The following SLC25A46 variants were observed in gnomAD, a reference collection of about 807,000 sequenced individuals.
The protein encoded by SLC25A46 is solute carrier family 25 member 46.
A neutral mutation model predicts 44.6 loss-of-function variants in SLC25A46; 39 were observed. The ratio of observed to expected loss-of-function variants is 0.87; its 90% confidence interval spans 0.68 to 1.14. The LOEUF is 1.14. Ranked by LOEUF, SLC25A46 falls within the 50% of genes most tolerant of loss-of-function variation. The probability of loss-of-function intolerance (pLI) is 0.00; values close to 1 mark genes in which losing one functional copy is unlikely to be tolerated. For missense variants in SLC25A46, 547 were observed against 522.7 expected, an observed-to-expected ratio of 1.05 and a Z score of -0.45; for synonymous variants, 202 against 185.8, an observed-to-expected ratio of 1.09 and a Z score of -0.71.
At chr5:110,744,058 C>T (rs1207129875) in intron 3 of SLC25A46, among the ~76,000 whole-genome samples, 3 of 152,140 alleles carry the variant, frequency 2.0e-5, no homozygotes, top group Non-Finnish European at 4.4e-5. Flanking sequence ...AAAATAATAA[C>T]ACCTGTTAGT....
chr5:110,738,904 C>G, upstream of SLC25A46: 2 of 1,296,258 alleles, frequency 1.5e-6, no homozygotes, highest in Non-Finnish European at 1.0e-6. Flanking sequence ...GTCCAGGTTA[C>G]CGCCGCGTCT....
At chr5:110,744,539 C>CA (rs1454068106) in intron 3 of SLC25A46, among the ~76,000 whole-genome samples, 1 of 152,008 alleles carries the variant, frequency 6.6e-6, no homozygotes, top group African/African-American at 2.4e-5. Flanking sequence ...TATAAAATAT[C>CA]AAAAAATCAT....
chr5:110,748,106 C>T, intron 4 of SLC25A46, 57 bp from the exon 5 acceptor site: 2 of 1,205,418 alleles, frequency 1.7e-6, no homozygotes, highest in Non-Finnish European at 2.4e-6. Flanking sequence ...TTATTAAGAT[C>T]TTTTGTGTTT....
chr5:110,752,933 A>G (rs937689799), intron 5 of SLC25A46, among the ~76,000 whole-genome samples: 5 of 152,196 alleles, frequency 3.3e-5, no homozygotes, highest in African/African-American at 1.2e-4. Context: ...AACTCCAACC[A>G]AGGGGTGGCT....
chr5:110,743,825 C>T (rs200252329), intron 3 of SLC25A46, 38 bp downstream of exon 3: 135 of 1,514,350 alleles, frequency 8.9e-5, no homozygotes, highest in Non-Finnish European at 1.1e-5. Flanking sequence ...AGCAATACTT[C>T]TGACCCTAAT....
intron 1 of SLC25A46, among the ~76,000 whole-genome samples, chr5:110,740,188 T>C (rs1212530946): frequency 6.6e-6 from 1 of 152,222 alleles, no homozygotes; most frequent in Non-Finnish European, 1.5e-5. Context: ...CATCCTTTTT[T>C]ATTCATAAAA....
At position 110,754,476 on chromosome 5, in the gene SLC25A46, C is replaced by T. The variant is rs1276299266; in HGVS notation, c.564-989C>T. ...GATAGAACTTACTCCCTTTTTTCAC[C>T]TTTGGTTCTATTTCATTTCAGCTTG... On this transcript the variant is annotated intron_variant, in intron 5 of 7. Coordinates refer to ENST00000355943, the MANE Select transcript of SLC25A46 (RefSeq NM_138773.4). 2.7e-5 allele frequency: 4 copies of T among 148,178 alleles called. No individual in the cohort carries two copies. The East Asian group carries it at 7.9e-4, about 29-fold the overall frequency. The allele number at this position is 148,178 out of a possible 1,614,324, so 9.2% of individuals were successfully genotyped here. A position where few individuals can be genotyped will look rare whatever the true frequency, so the allele number is the denominator to read the frequency against.
At position 110,739,090 on chromosome 5, in the gene SLC25A46, G is replaced by C; in HGVS notation, c.-30G>C. ...TGGCCCCGGTGGTGGTGGGCTCCGG[G>C]CGGGCTCGCGTCATCCTGCCCCCGC... On this transcript the variant is annotated 5_prime_UTR_variant, in exon 1 of 8. Transcript: ENST00000355943. 2.6e-6 allele frequency: 4 copies of C among 1,539,720 alleles called. No homozygotes were observed. In the South Asian group the frequency reaches 4.8e-5, roughly 18 times the overall value.
chr5:110,744,354 G>A (rs1264060806), intron 3 of SLC25A46, among the ~76,000 whole-genome samples: 1 of 152,156 alleles, frequency 6.6e-6, no homozygotes, highest in Non-Finnish European at 1.5e-5. Flanking sequence ...TGTGAAATCA[G>A]AAATCATTTT....
At chr5:110,746,117 C>T in intron 3 of SLC25A46, 152 bp from the exon 4 acceptor site, 1 of 615,068 alleles carries the variant, frequency 1.6e-6, no homozygotes, top group Non-Finnish European at 2.8e-6. Context: ...TTATTTAAAG[C>T]ACTTTTAAGA....
intron 1 of SLC25A46, among the ~76,000 whole-genome samples, chr5:110,740,770 T>G (rs1030135553): frequency 2.0e-5 from 3 of 152,006 alleles, no homozygotes; most frequent in African/African-American, 7.3e-5. Context: ...GCTAACACGA[T>G]GAAACCCCGT....
In SLC25A46 at chr5:110,762,353, T is replaced by C. The variant is rs901099177; in HGVS notation, c.*571T>C. The C allele has an allele frequency of 6.6e-5, 10 of 152,164 alleles. No individual in the cohort carries two copies. The highest frequency in any genetic ancestry group is 2.4e-4 in the African/African-American group (10 of 41,408). The allele number at this position is 152,164 out of a possible 1,614,324, so 9.4% of individuals were successfully genotyped here. On this transcript the variant is annotated 3_prime_UTR_variant, in exon 8 of 8. Transcript: ENST00000355943. ...CTATGTAACTATCTTAATGGCTATA[T>C]ATATGTATTTTATAAAGCCATTTAT...
chr5:110,745,230 T>C (rs577513074), intron 3 of SLC25A46, among the ~76,000 whole-genome samples: 1 of 152,086 alleles, frequency 6.6e-6, no homozygotes. Context: ...TGGACCCCAC[T>C]TGCAAACTCT....
chr5:110,739,989 C>A (rs17132320), intron 1 of SLC25A46, among the ~76,000 whole-genome samples: 2,929 of 152,102 alleles, frequency 0.019, 83 homozygotes, highest in African/African-American at 0.068. Context: ...GTCTGCTTTT[C>A]AGATCCCCAG....
At chr5:110,739,746 T>C (rs1320762432) in intron 1 of SLC25A46, among the ~76,000 whole-genome samples, 3 of 152,108 alleles carry the variant, frequency 2.0e-5, no homozygotes, top group Admixed American at 2.0e-4. Context: ...ATTTTCTTGA[T>C]TTAATTAATT....
Position 110,739,387 on chromosome 5 carries a change from C to G in SLC25A46, c.268C>G (p.Gln90Glu). ...TTCCAGTGGCGGCGGCGGCAGTGTGCAGGGGCAGAGCAGTGGTGAGAAGCA... is the reference window on the plus strand; with the variant it reads ...TTCCAGTGGCGGCGGCGGCAGTGTGGAGGGGCAGAGCAGTGGTGAGAAGCA... Reference protein sequence around the residue: ...PFSSGGGGSVQGQSSEQLNRF... With the variant: ...PFSSGGGGSVEGQSSEQLNRF... The change falls in exon 1 of 8, where the codon CAG becomes GAG. Residue 90 changes from glutamine to glutamate, a missense_variant. Physicochemically the swap from Gln to Glu is conservative, Grantham distance 29. Transcript: ENST00000355943. 6.5e-7 allele frequency: 1 copy of G among 1,546,336 alleles called. No individual in the cohort carries two copies. Among genetic ancestry groups the G allele is most frequent in the East Asian group, 2.4e-5 (1 of 41,674 alleles).
intron 1 of SLC25A46, among the ~76,000 whole-genome samples, chr5:110,739,805 C>T (rs1039408829): frequency 1.3e-5 from 2 of 152,140 alleles, no homozygotes; most frequent in Non-Finnish European, 2.9e-5. Flanking sequence ...AGAAGCCTTT[C>T]AGCATAAGCA....
chr5:110,757,501 T>G (rs1800148176), intron 7 of SLC25A46, among the ~76,000 whole-genome samples: 1 of 152,170 alleles, frequency 6.6e-6, no homozygotes, highest in Non-Finnish European at 1.5e-5. Flanking sequence ...GCCCTCTCTG[T>G]AAAAACTCGC....
At chr5:110,750,197 G>C (rs1398359406) in intron 5 of SLC25A46, among the ~76,000 whole-genome samples, 2 of 127,034 alleles carry the variant, frequency 1.6e-5, no homozygotes, top group Non-Finnish European at 3.3e-5. Flanking sequence ...TAAAACGTTT[G>C]AAACAAAACA....
Sources: allele counts gnomAD v4.1 joint callset (sites outside exome capture counted in the v4.1 genomes callset), GRCh38; gene constraint gnomAD v4.1.1; transcripts MANE v1.5; gene names NCBI Gene and HGNC (gene_info 2026-07-23, HGNC 2026-07-21).